Variants in LDLRAP1 observed in about 807,000 individuals in gnomAD.
LDLRAP1 encodes low density lipoprotein receptor adaptor protein 1.
Under a neutral mutation model 37.8 loss-of-function variants are expected in LDLRAP1, and 30 were observed. The observed-to-expected ratio is 0.79, with a 90% CI of 0.59 to 1.08. The LOEUF (loss-of-function observed/expected upper bound fraction) is 1.08, where lower values mean the gene tolerates loss of function less well. Among genes scored for constraint, LDLRAP1 ranks in the 50% least tolerant of loss-of-function variants. The probability of loss-of-function intolerance (pLI) is 0.00; values close to 1 mark genes in which losing one functional copy is unlikely to be tolerated. For missense variants in LDLRAP1, 375 were observed against 401.6 expected (o/e 0.93, Z 0.57); for synonymous variants, 156 against 169.8 (o/e 0.92, Z 0.63).
At chr1:25,571,091 C>T (rs901673176), downstream of LDLRAP1, among the ~76,000 whole-genome samples, 2 of 152,238 alleles carry the variant, frequency 1.3e-5, no homozygotes, top group African/African-American at 4.8e-5. Flanking sequence ...CGGATTTCCA[C>T]TGCACAGTGC....
At position 25,567,263 on chromosome 1, in the gene LDLRAP1, T is replaced by C. The variant is rs2044508265; in HGVS notation, c.*271T>C. ...AGTCTGCGTCAGGCACGTCTCCTGC[T>C]GCGTGACATGTGCAGTGCTGTAATC... On this transcript the variant is annotated 3_prime_UTR_variant, in exon 9 of 9. Coordinates refer to ENST00000374338, the MANE Select transcript of LDLRAP1 (RefSeq NM_015627.3). 1 of 520,168 alleles carries C rather than the reference T, an allele frequency of 1.9e-6. No homozygotes were observed. Among genetic ancestry groups the C allele is most frequent in the South Asian group, 2.0e-5 (1 of 50,478 alleles). The allele number at this position is 520,168 out of a possible 1,614,324, so 32.2% of individuals were successfully genotyped here.
chr1:25,584,545 G>A, the LDLRAP1 span, among the ~76,000 whole-genome samples: 1 of 152,116 alleles, frequency 6.6e-6, no homozygotes, highest in South Asian at 2.1e-4. Context: ...TCTCAGCAGG[G>A]ACCTTCCTAC....
the LDLRAP1 span, among the ~76,000 whole-genome samples, chr1:25,579,347 A>AC: frequency 6.6e-6 from 1 of 152,070 alleles, no homozygotes; most frequent in Admixed American, 6.6e-5. Flanking sequence ...TGCGTCCCAC[A>AC]CCCTGCAGGG....
downstream of LDLRAP1, among the ~76,000 whole-genome samples, chr1:25,573,435 C>T (rs572850100): frequency 2.0e-5 from 3 of 152,284 alleles, no homozygotes; most frequent in Non-Finnish European, 2.9e-5. Context: ...CTGTAGGTCC[C>T]GGTGGCTGCA....
At position 25,563,095 on chromosome 1, in the gene LDLRAP1, C is replaced by G. The variant is rs751738547; in HGVS notation, c.558C>G (p.Ser186Arg). ...KEEKEKRDKA[S>R]QEGGDVLGAR... ...AGAAAGAGAAGAGGGACAAAGCCAG[C>G]CAAGAGGGAGGGGACGTCCTGGGGG... is the stretch of plus-strand genomic sequence containing the variant. Residue 186 changes from serine (S) to arginine (R), a missense_variant, in exon 6 of 9, where the codon AGC becomes AGG. Transcript: ENST00000374338. 1 of 1,614,034 alleles carries G rather than the reference C, an allele frequency of 6.2e-7. No individual in the cohort carries two copies. Among genetic ancestry groups the G allele is most frequent in the East Asian group, 2.2e-5 (1 of 44,870 alleles).
intron 7 of LDLRAP1, 131 bp from the exon 8 acceptor site, chr1:25,565,042 C>G: frequency 1.1e-6 from 1 of 947,028 alleles, no homozygotes; most frequent in East Asian, 2.4e-5. Context: ...TGCCTGAGGC[C>G]GTGCCTCCAG....
At chr1:25,582,562 C>T in the LDLRAP1 span, among the ~76,000 whole-genome samples, 11 of 144,320 alleles carry the variant, frequency 7.6e-5, no homozygotes, top group South Asian at 4.5e-4. Context: ...TCCAGCCTGG[C>T]GACAGAGCGA....
chr1:25,545,968 T>G (rs2043924162), intron 1 of LDLRAP1, among the ~76,000 whole-genome samples: 1 of 152,002 alleles, frequency 6.6e-6, no homozygotes, highest in South Asian at 2.1e-4. Context: ...AGCATTGGAG[T>G]CATTGGCTCC....
At chr1:25,588,456 G>A in the LDLRAP1 span, among the ~76,000 whole-genome samples, 7 of 152,274 alleles carry the variant, frequency 4.6e-5, no homozygotes, top group Non-Finnish European at 1.0e-4. Flanking sequence ...ACATGCGGGC[G>A]GCAATACTGC....
chr1:25,571,124 AC>A (rs2044599331), downstream of LDLRAP1, among the ~76,000 whole-genome samples: 1 of 151,928 alleles, frequency 6.6e-6, no homozygotes, highest in Non-Finnish European at 1.5e-5. Flanking sequence ...ATCAAGGCAA[AC>A]CCCAACCGAC....
At chr1:25,561,295 A>G (rs550273018) in intron 4 of LDLRAP1, among the ~76,000 whole-genome samples, 7 of 152,248 alleles carry the variant, frequency 4.6e-5, no homozygotes, top group Non-Finnish European at 1.0e-4. Flanking sequence ...CTTAATTACC[A>G]TATTTAAGTT....
the LDLRAP1 span, among the ~76,000 whole-genome samples, chr1:25,587,182 C>A: frequency 6.6e-6 from 1 of 152,064 alleles, no homozygotes; most frequent in Non-Finnish European, 1.5e-5. Flanking sequence ...GACAGAGTCT[C>A]ACTCTGTCGC....
At chr1:25,572,897 T>TGC (rs1457715311), downstream of LDLRAP1, among the ~76,000 whole-genome samples, 1 of 152,218 alleles carries the variant, frequency 6.6e-6, no homozygotes, top group African/African-American at 2.4e-5. Context: ...CAGCTCAGGC[T>TGC]GCTGGCCAGA....
intron 7 of LDLRAP1, 124 bp downstream of exon 7, chr1:25,563,915 G>C: frequency 8.2e-7 from 1 of 1,212,614 alleles, no homozygotes; most frequent in Non-Finnish European, 1.2e-6. Context: ...ACCAGACCCA[G>C]CCCGGTAGTG....
intron 1 of LDLRAP1, 66 bp from the exon 2 acceptor site, chr1:25,553,856 T>G: frequency 1.4e-5 from 22 of 1,580,752 alleles, no homozygotes; most frequent in African/African-American, 4.1e-5. Context: ...AGAAGGCTGG[T>G]GAGAGCTGTT....
chr1:25,589,526 A>G, the LDLRAP1 span, among the ~76,000 whole-genome samples: 1 of 152,286 alleles, frequency 6.6e-6, no homozygotes, highest in Non-Finnish European at 1.5e-5. Flanking sequence ...ATCCACTCAC[A>G]CCAATGTGGG....
At chr1:25,545,382 G>C (rs1394745076) in intron 1 of LDLRAP1, among the ~76,000 whole-genome samples, 1 of 152,218 alleles carries the variant, frequency 6.6e-6, no homozygotes, top group African/African-American at 2.4e-5. Flanking sequence ...CTTCAATCTT[G>C]AGCAAGTCAC....
At chr1:25,587,641 C>T in the LDLRAP1 span, among the ~76,000 whole-genome samples, 4 of 152,264 alleles carry the variant, frequency 2.6e-5, no homozygotes, top group East Asian at 5.8e-4. Context: ...AGTGTTTCAC[C>T]GAGCGGAGCT....
In LDLRAP1 at chr1:25,568,107, C is replaced by T. The variant is rs41307931; in HGVS notation, c.*1115C>T. Reference sequence around the variant, plus strand: ...TCTAGCTTTGTTGTCCTCCCAGGAACCAAAAAACCCCAGCTATTTTCTGAC... The same window carrying T: ...TCTAGCTTTGTTGTCCTCCCAGGAATCAAAAAACCCCAGCTATTTTCTGAC... On this transcript the variant is annotated 3_prime_UTR_variant, in exon 9 of 9. Coordinates refer to ENST00000374338, the MANE Select transcript of LDLRAP1 (RefSeq NM_015627.3). The T allele has an allele frequency of 2.4e-3, 374 of 152,730 alleles. 2 individuals carry two copies. The highest frequency in any genetic ancestry group is 4.1e-3 in the Non-Finnish European group (277 of 68,040). The allele number at this position is 152,730 out of a possible 1,614,324, so 9.5% of individuals were successfully genotyped here. A position where few individuals can be genotyped will look rare whatever the true frequency, so the allele number is the denominator to read the frequency against.
Sources: gnomAD v4.1 joint callset for allele counts (sites outside exome capture counted in the v4.1 genomes callset) on GRCh38, gnomAD v4.1.1 for gene constraint, MANE v1.5 for transcripts, NCBI Gene and HGNC (gene_info 2026-07-23, HGNC 2026-07-21) for gene names.